Variants in GTF2IRD1 observed in about 807,000 individuals in gnomAD.
GTF2IRD1 encodes the protein general transcription factor II-I repeat domain-containing protein 1.
In GTF2IRD1, 26 loss-of-function variants were observed where a neutral mutation model predicts 113.2. The observed-to-expected ratio is 0.23, with a 90% CI of 0.17 to 0.32. GTF2IRD1 has a LOEUF of 0.32. Ranked by LOEUF, GTF2IRD1 falls within the 10% of genes least tolerant of loss-of-function variation. GTF2IRD1 has a pLI of 1.00. For missense variants in GTF2IRD1, 864 were observed against 1,280.8 expected, an observed-to-expected ratio of 0.67 and a Z score of 4.97; for synonymous variants, 484 against 529.1, an observed-to-expected ratio of 0.91 and a Z score of 1.17.
intron 22 of GTF2IRD1, among the ~76,000 whole-genome samples, chr7:74,577,816 A>ACCAGGTC (rs1801168669): frequency 6.6e-6 from 1 of 151,984 alleles, no homozygotes; most frequent in Non-Finnish European, 1.5e-5. Flanking sequence ...TACCATGCCC[A>ACCAGGTC]GCTCATATTT....
intron 1 of GTF2IRD1, among the ~76,000 whole-genome samples, chr7:74,472,425 G>A (rs1262655902): frequency 6.6e-6 from 1 of 152,200 alleles, no homozygotes; most frequent in African/African-American, 2.4e-5. Context: ...ACTTGACTAA[G>A]GTTCTAGAGT....
chr7:74,464,608 C>T (rs1489820227), intron 1 of GTF2IRD1, among the ~76,000 whole-genome samples: 2 of 151,992 alleles, frequency 1.3e-5, no homozygotes, highest in African/African-American at 2.4e-5. Context: ...CCACCACACC[C>T]GGCTAATTTT....
At chr7:74,594,680 C>T (rs1209969808) in intron 24 of GTF2IRD1, among the ~76,000 whole-genome samples, 5 of 152,106 alleles carry the variant, frequency 3.3e-5, no homozygotes, top group African/African-American at 1.2e-4. Context: ...TCTCCGGGCG[C>T]GATGGCTCAT....
chr7:74,542,959 C>T (rs187406557), intron 14 of GTF2IRD1, among the ~76,000 whole-genome samples: 2 of 152,334 alleles, frequency 1.3e-5, no homozygotes, highest in East Asian at 3.9e-4. Flanking sequence ...GGCTGGAAAA[C>T]ATGTTTCCCA....
At chr7:74,496,275 GGTATGCGTGT>G (rs782359176) in intron 1 of GTF2IRD1, among the ~76,000 whole-genome samples, 14 of 149,062 alleles carry the variant, frequency 9.4e-5, no homozygotes, top group South Asian at 4.3e-4. Flanking sequence ...CATGTGAGTG[GGTATGCGTGT>G]GTATGTGGGT....
chr7:74,468,366 A>C (rs1179143878), intron 1 of GTF2IRD1, among the ~76,000 whole-genome samples: 2 of 151,696 alleles, frequency 1.3e-5, no homozygotes, highest in Admixed American at 6.6e-5. Flanking sequence ...TTAAAAAAAA[A>C]AAAAAAACCC....
intron 3 of GTF2IRD1, among the ~76,000 whole-genome samples, chr7:74,513,582 G>A (rs149052596): frequency 6.6e-6 from 1 of 152,344 alleles, no homozygotes; most frequent in African/African-American, 2.4e-5. Context: ...TGGGATTACA[G>A]ATGTGAGCCG....
At chr7:74,474,855 G>A (rs782252697) in intron 1 of GTF2IRD1, among the ~76,000 whole-genome samples, 2 of 152,200 alleles carry the variant, frequency 1.3e-5, no homozygotes, top group African/African-American at 2.4e-5. Flanking sequence ...GCTCGGGCCT[G>A]TAATCCCAAC....
intron 1 of GTF2IRD1, among the ~76,000 whole-genome samples, chr7:74,468,277 A>G (rs782276063): frequency 6.6e-6 from 1 of 152,016 alleles, no homozygotes; most frequent in Non-Finnish European, 1.5e-5. Flanking sequence ...CGAGATGGGC[A>G]GATTGCTTGA....
In GTF2IRD1 at chr7:74,515,457, G is replaced by A. The variant is rs782400686; in HGVS notation, c.282G>A (p.Lys94=). 6.3e-7 allele frequency: 1 copy of A among 1,596,308 alleles called. No homozygotes were observed. The highest frequency in any genetic ancestry group is 8.5e-7 in the Non-Finnish European group (1 of 1,169,810). The change falls in exon 4 of 27, where the codon AAG becomes AAA. Residue 94 remains lysine (K), a synonymous_variant. Coordinates refer to ENST00000424337, the MANE Select transcript of GTF2IRD1 (RefSeq NM_005685.4). The part of the protein sequence containing the change: ...FLRFCRGPPW[K]DPEAEHPKKV... ...GTCCCACAGGAGGGCCCCCGTGGAA[G>A]GATCCGGAGGCAGAGCACCCCAAGA...
At chr7:74,471,931 G>A (rs997980072) in intron 1 of GTF2IRD1, among the ~76,000 whole-genome samples, 35 of 152,150 alleles carry the variant, frequency 2.3e-4, no homozygotes, top group African/African-American at 8.4e-4. Context: ...GGCGGAGTCT[G>A]CAGTGAGCCG....
At chr7:74,537,936 G>C (rs1798397306) in intron 11 of GTF2IRD1, among the ~76,000 whole-genome samples, 200 bp from the exon 12 acceptor site, 1 of 152,224 alleles carries the variant, frequency 6.6e-6, no homozygotes, top group Non-Finnish European at 1.5e-5. Context: ...GGAGATTGTG[G>C]TCCCTGGAGA....
chr7:74,590,434 G>A (rs1410487475), intron 23 of GTF2IRD1, among the ~76,000 whole-genome samples: 2 of 149,390 alleles, frequency 1.3e-5, no homozygotes, highest in Non-Finnish European at 3.0e-5. Context: ...TGTCGCCCAG[G>A]CTGGAGTGCA....
chr7:74,595,634 G>T (rs782769193), intron 25 of GTF2IRD1, among the ~76,000 whole-genome samples: 28 of 152,272 alleles, frequency 1.8e-4, no homozygotes, highest in Admixed American at 3.3e-4. Flanking sequence ...CCCTCTCCAC[G>T]CTGGGGCCTC....
chr7:74,601,112 T>A lies in GTF2IRD1; in HGVS notation c.2698T>A (p.Ser900Thr), dbSNP rs781827989. 12 of 1,613,660 alleles carry A rather than the reference T, an allele frequency of 7.4e-6. No individual in the cohort carries two copies. In the South Asian group the frequency reaches 1.3e-4, roughly 18 times the overall value. The change falls in exon 26 of 27, where the codon TCC (serine) becomes ACC (threonine). Residue 900 changes from serine (S) to threonine (T), a missense_variant. Transcript: ENST00000424337. ...VSEGNSVSSS[S>T]SSSSSSSSNP... ...GGAAGGAAATTCCGTCTCCTCTTCC[T>A]CCTCGTCTTCCTCTTCCTCGTCCTC... is the stretch of plus-strand genomic sequence containing the variant.
chr7:74,558,347 CTTTTTTT>C (rs1193682168), intron 20 of GTF2IRD1, among the ~76,000 whole-genome samples: 672 of 60,338 alleles, frequency 0.011, 1 homozygote, highest in Non-Finnish European at 0.016. Context: ...TCTTTCGTTT[CTTTTTTT>C]TTTTTTTTTT....
chr7:74,566,411 C>G (rs1352984753), intron 22 of GTF2IRD1, among the ~76,000 whole-genome samples: 1 of 152,176 alleles, frequency 6.6e-6, no homozygotes, highest in Non-Finnish European at 1.5e-5. Context: ...CGTGTGATCT[C>G]AACTCACCGT....
intron 24 of GTF2IRD1, among the ~76,000 whole-genome samples, chr7:74,593,499 C>T (rs1487500542): frequency 1.3e-5 from 2 of 150,870 alleles, no homozygotes; most frequent in Non-Finnish European, 3.0e-5. Flanking sequence ...TTTGGGAGGC[C>T]GAGGCTGGCA....
intron 1 of GTF2IRD1, among the ~76,000 whole-genome samples, chr7:74,479,573 C>T (rs925178242): frequency 1.3e-5 from 2 of 152,080 alleles, no homozygotes; most frequent in African/African-American, 4.8e-5. Flanking sequence ...TGCCTGTCTC[C>T]CCTCCTCACC....
Sources: gnomAD v4.1 joint callset for allele counts (sites outside exome capture counted in the v4.1 genomes callset) on GRCh38, gnomAD v4.1.1 for gene constraint, MANE v1.5 for transcripts, NCBI Gene and HGNC (gene_info 2026-07-23, HGNC 2026-07-21) for gene names.